Variants in LIN7A observed in about 807,000 individuals in gnomAD.
LIN7A encodes the protein lin-7 cell polarity scaffold A, also known as protein lin-7 homolog A.
A neutral mutation model predicts 29.8 loss-of-function variants in LIN7A; 25 were observed. The ratio of observed to expected loss-of-function variants is 0.84; its 90% CI spans 0.61 to 1.17. The LOEUF (loss-of-function observed/expected upper bound fraction) is 1.17. Ranked by LOEUF, LIN7A falls within the 50% of genes most tolerant of loss-of-function variation. LIN7A has a pLI of 0.00. For synonymous variants in LIN7A, 118 were observed against 107.5 expected, an observed-to-expected ratio of 1.10 and a Z score of -0.60; for missense variants, 239 against 287.0, an observed-to-expected ratio of 0.83 and a Z score of 1.21.
intron 4 of LIN7A, among the ~76,000 whole-genome samples, chr12:80,816,543 A>G (rs904903099): frequency 9.9e-5 from 15 of 152,168 alleles, no homozygotes; most frequent in Admixed American, 5.9e-4. Flanking sequence ...CTAATAAAAT[A>G]CTAAACTGAT....
intron 1 of LIN7A, among the ~76,000 whole-genome samples, chr12:80,916,717 G>A (rs892322703): frequency 1.3e-5 from 2 of 152,168 alleles, no homozygotes; most frequent in African/African-American, 4.8e-5. Flanking sequence ...GGAAGTAAAA[G>A]CAGAAGGATA....
intron 4 of LIN7A, chr12:80,845,477 G>A (rs534020543): frequency 4.2e-5 from 16 of 381,110 alleles, no homozygotes; most frequent in African/African-American, 3.3e-4. Context: ...TGGGAAGAAA[G>A]TCAGCTAGTT....
At chr12:80,822,487 G>T (rs1592863300) in intron 4 of LIN7A, among the ~76,000 whole-genome samples, 1 of 152,144 alleles carries the variant, frequency 6.6e-6, no homozygotes, top group African/African-American at 2.4e-5. Flanking sequence ...GAACCCAGGG[G>T]GTGGAGGTTG....
chr12:80,816,410 CAA>C (rs145507202), intron 4 of LIN7A, among the ~76,000 whole-genome samples: 4 of 138,982 alleles, frequency 2.9e-5, no homozygotes, highest in Non-Finnish European at 3.1e-5. Flanking sequence ...GACTCTGTCT[CAA>C]AAAAAAAAAG....
intron 1 of LIN7A, among the ~76,000 whole-genome samples, chr12:80,935,988 GT>G (rs1484993290): frequency 6.6e-6 from 1 of 152,136 alleles, no homozygotes; most frequent in Non-Finnish European, 1.5e-5. Context: ...TCTTCTTGGA[GT>G]TTTTGCTCCT....
In LIN7A at chr12:80,813,103, C is replaced by T. The variant is rs1174590625; in HGVS notation, c.484-1420G>A. The stretch of plus-strand genomic sequence containing the variant: ...TTGGCTCACTGCAAGCTCCGCCTCC[C>T]GGGTTCATGCCATTCTCCTGCCTCA... On this transcript the variant is annotated intron_variant, in intron 4 of 5. Coordinates refer to ENST00000552864, the MANE Select transcript of LIN7A (RefSeq NM_004664.4). Among the ~76,000 whole-genome samples the T allele has an allele frequency of 2.6e-5, 4 of 151,378 alleles. No homozygotes were observed. In the East Asian group the frequency reaches 6.0e-4, roughly 23 times the overall value.
chr12:80,908,048 C>T (rs1876576097), intron 1 of LIN7A, among the ~76,000 whole-genome samples: 1 of 152,018 alleles, frequency 6.6e-6, no homozygotes, highest in Non-Finnish European at 1.5e-5. Context: ...TTGAGCATTT[C>T]TAAGTACTTA....
intron 1 of LIN7A, among the ~76,000 whole-genome samples, chr12:80,928,463 A>C (rs1877723490): frequency 6.6e-6 from 1 of 151,480 alleles, no homozygotes; most frequent in Non-Finnish European, 1.5e-5. Flanking sequence ...CAGTGATGAC[A>C]TTCACGTGTC....
chr12:80,808,446 C>T (rs544979745), intron 5 of LIN7A, among the ~76,000 whole-genome samples: 2 of 152,152 alleles, frequency 1.3e-5, no homozygotes, highest in East Asian at 1.9e-4. Flanking sequence ...TTAAACAGTG[C>T]CTCGCTTGTA....
At chr12:80,876,052 T>TAC (rs67035673) in intron 2 of LIN7A, among the ~76,000 whole-genome samples, 28,047 of 148,122 alleles carry the variant, frequency 0.19, 3,885 homozygotes, top group African/African-American at 0.39. Flanking sequence ...ATTATTTTTA[T>TAC]ACACACACAC....
At chr12:80,804,897 A>C (rs2121497916) in intron 5 of LIN7A, among the ~76,000 whole-genome samples, 1 of 152,174 alleles carries the variant, frequency 6.6e-6, no homozygotes, top group South Asian at 2.1e-4. Context: ...TCCATTGTGT[A>C]CAAGTACCAC....
chr12:80,851,247 AT>A (rs57686150), intron 2 of LIN7A, among the ~76,000 whole-genome samples: 12,883 of 152,130 alleles, frequency 0.085, 745 homozygotes, highest in Middle Eastern at 0.19. Flanking sequence ...CAATACAACA[AT>A]TTTGAAACCA....
chr12:80,901,201 G>A (rs909596151), intron 1 of LIN7A, among the ~76,000 whole-genome samples: 1 of 152,064 alleles, frequency 6.6e-6, no homozygotes, highest in Admixed American at 6.5e-5. Flanking sequence ...TAACTCAACA[G>A]TGCACTGCTG....
chr12:80,886,153 A>T (rs1233991234), intron 2 of LIN7A, among the ~76,000 whole-genome samples: 1 of 152,092 alleles, frequency 6.6e-6, no homozygotes, highest in East Asian at 1.9e-4. Flanking sequence ...AAAAACTCAG[A>T]TAACCACAAA....
At chr12:80,856,080 C>A (rs765121418) in intron 2 of LIN7A, among the ~76,000 whole-genome samples, 14 of 151,894 alleles carry the variant, frequency 9.2e-5, no homozygotes, top group Non-Finnish European at 1.8e-4. Flanking sequence ...TCACTGCCTG[C>A]GGCCAGCCAT....
rs1273915401 is a variant in LIN7A, at chr12:80,795,663, T to C, written c.*2064A>G. 1.3e-5 allele frequency: 2 copies of C among 152,156 alleles called. No individual in the cohort carries two copies. Among genetic ancestry groups the C allele is most frequent in the Non-Finnish European group, 2.9e-5 (2 of 67,996 alleles). The allele number at this position is 152,156 out of a possible 1,614,324, so 9.4% of individuals were successfully genotyped here. On this transcript the variant is annotated 3_prime_UTR_variant, in exon 6 of 6. Coordinates refer to ENST00000552864, the MANE Select transcript of LIN7A (RefSeq NM_004664.4). ...ATGTGTTGAAATGACCATTTTCTCA[T>C]GACAAGGGTTCAGTGATTTCCCTTC...
chr12:80,808,869 A>G (rs1871162218), intron 5 of LIN7A, among the ~76,000 whole-genome samples: 1 of 152,208 alleles, frequency 6.6e-6, no homozygotes, highest in South Asian at 2.1e-4. Context: ...TATGGTACAT[A>G]TAATAAAAAT....
chr12:80,797,673 G>A lies in LIN7A; in HGVS notation c.*54C>T, dbSNP rs530961287. The A allele has an allele frequency of 6.5e-6, 1 of 152,688 alleles. No homozygotes were observed. Among genetic ancestry groups the A allele is most frequent in the South Asian group, 2.1e-4 (1 of 4,826 alleles). 9.5% of individuals were successfully genotyped at this position (152,688 alleles called of 1,614,324 possible). ...ACTATGTGCTGGGATTCTGAAGCAC[G>A]GTTTCAAATTTGTGACTATCGGATG... On this transcript the variant is annotated 3_prime_UTR_variant, in exon 6 of 6. Coordinates refer to ENST00000552864, the MANE Select transcript of LIN7A (RefSeq NM_004664.4).
chr12:80,831,312 G>C (rs1274302973), intron 4 of LIN7A, among the ~76,000 whole-genome samples: 1 of 152,164 alleles, frequency 6.6e-6, no homozygotes, highest in Admixed American at 6.5e-5. Context: ...TCACTGAGCA[G>C]TTAATATATT....
Sources: allele counts gnomAD v4.1 joint callset (sites outside exome capture counted in the v4.1 genomes callset), GRCh38; gene constraint gnomAD v4.1.1; transcripts MANE v1.5; gene names NCBI Gene and HGNC (gene_info 2026-07-23, HGNC 2026-07-21).